NLRP13: variants seen among roughly 807,000 people sequenced by gnomAD.
The protein encoded by NLRP13 is NLR family pyrin domain containing 13.
In NLRP13, 82 loss-of-function variants were observed where a neutral mutation model predicts 94.4. The observed-to-expected ratio is 0.87, with a 90% CI of 0.73 to 1.04. The LOEUF is 1.04. Ranked by LOEUF, NLRP13 falls within the 50% of genes least tolerant of loss-of-function variation. The pLI, the probability that NLRP13 is intolerant of heterozygous loss-of-function variation, is 0.00. For synonymous variants in NLRP13, 553 were observed against 464.7 expected (o/e 1.19, Z -2.45); for missense variants, 1,426 against 1,230.8 (o/e 1.16, Z -2.37).
intron 8 of NLRP13, among the ~76,000 whole-genome samples, chr19:55,903,871 C>G (rs572649504): frequency 9.2e-5 from 14 of 152,128 alleles, no homozygotes; most frequent in Admixed American, 8.5e-4. Context: ...TATTTTTGTC[C>G]GGACTGTAGT....
At position 55,912,666 on chromosome 19, in the gene NLRP13, G is replaced by A; in HGVS notation, c.1151C>T (p.Thr384Ile). Reference sequence around the variant, plus strand: ...CCGTAGGTCGTCCCCTGTGAACCCTGTAATTTGTACAAAGCATGGATTCAC... The same window carrying A: ...CCGTAGGTCGTCCCCTGTGAACCCTATAATTTGTACAAAGCATGGATTCAC... ...SLVNPCFVQI[T>I]GFTGDDLRVY... The change falls in exon 5 of 11, where the codon ACA becomes ATA. Residue 384 changes from threonine (T) to isoleucine (I), a missense_variant. Coordinates refer to ENST00000342929, the MANE Select transcript of NLRP13 (RefSeq NM_176810.2). The A allele has an allele frequency of 6.2e-7, 1 of 1,614,162 alleles. No individual in the cohort carries two copies. Among genetic ancestry groups the A allele is most frequent in the South Asian group, 1.1e-5 (1 of 91,080 alleles).
chr19:55,899,207 G>T (rs1362630307), intron 9 of NLRP13, among the ~76,000 whole-genome samples: 1 of 152,094 alleles, frequency 6.6e-6, no homozygotes, highest in Non-Finnish European at 1.5e-5. Flanking sequence ...CCTCTCTGTG[G>T]TGGTTACCCC....
At chr19:55,898,721 CG>C (rs1870390792) in intron 10 of NLRP13, 48 bp downstream of exon 10, 2 of 1,524,174 alleles carry the variant, frequency 1.3e-6, no homozygotes, top group African/African-American at 2.8e-5. Context: ...TCTCCCCACC[CG>C]CAAGAGTAGA....
chr19:55,905,134 G>A, intron 7 of NLRP13, 22 bp from the exon 8 acceptor site: 1 of 1,612,280 alleles, frequency 6.2e-7, no homozygotes, highest in Non-Finnish European at 8.5e-7. Context: ...GCAGGTGCAA[G>A]GTGAGCCTCA....
chr19:55,895,943 G>A, downstream of NLRP13: 3 of 1,613,538 alleles, frequency 1.9e-6, no homozygotes, highest in South Asian at 3.3e-5. Context: ...AGTCAGTGAG[G>A]TTTACCCGAG....
downstream of NLRP13, chr19:55,891,942 G>T: frequency 2.4e-6 from 1 of 416,376 alleles, no homozygotes; most frequent in African/African-American, 2.0e-5. Flanking sequence ...AGGCCAGGAT[G>T]TCCTGGTGGC....
intron 8 of NLRP13, among the ~76,000 whole-genome samples, chr19:55,903,540 A>G (rs965485070): frequency 6.6e-6 from 1 of 152,134 alleles, no homozygotes; most frequent in Non-Finnish European, 1.5e-5. Flanking sequence ...GCAATCTTCT[A>G]GATTCCCGCA....
At chr19:55,917,486 G>A (rs1162248309) in intron 4 of NLRP13, among the ~76,000 whole-genome samples, 1 of 151,694 alleles carries the variant, frequency 6.6e-6, no homozygotes, top group Non-Finnish European at 1.5e-5. Flanking sequence ...ATAAATTGGA[G>A]GAATAGATTT....
At chr19:55,920,849 T>C (rs144040542) in intron 4 of NLRP13, among the ~76,000 whole-genome samples, 55 of 152,272 alleles carry the variant, frequency 3.6e-4, no homozygotes, top group African/African-American at 1.3e-3. Context: ...GCAATCAACC[T>C]AAATGTCCAT....
chr19:55,903,904 A>G (rs1049475730), intron 8 of NLRP13, among the ~76,000 whole-genome samples: 2 of 152,166 alleles, frequency 1.3e-5, no homozygotes, highest in Non-Finnish European at 2.9e-5. Context: ...AGCAGCCTGC[A>G]TGATCTTTCA....
intron 1 of NLRP13, among the ~76,000 whole-genome samples, chr19:55,931,718 A>AGAAAGAAAGAAAGAAAGAAAGAAAGAAAG: frequency 1.0e-5 from 1 of 96,030 alleles, no homozygotes; most frequent in African/African-American, 4.2e-5. Flanking sequence ...TCAAAAAAAA[A>AGAAAGAAAGAAAGAAAGAAAGAAAGAAAG]AAAAAAAGAA....
At chr19:55,892,737 A>G (rs1437319917), downstream of NLRP13, among the ~76,000 whole-genome samples, 1 of 152,122 alleles carries the variant, frequency 6.6e-6, no homozygotes, top group Non-Finnish European at 1.5e-5. Flanking sequence ...CACCATCTTT[A>G]AATCCACATG....
At chr19:55,901,394 C>T (rs1249187490) in intron 9 of NLRP13, among the ~76,000 whole-genome samples, 3 of 151,986 alleles carry the variant, frequency 2.0e-5, no homozygotes, top group African/African-American at 7.3e-5. Context: ...ATAATGTGGG[C>T]ACTTAAGGGA....
At chr19:55,916,960 T>C (rs1482454147) in intron 4 of NLRP13, among the ~76,000 whole-genome samples, 4 of 151,886 alleles carry the variant, frequency 2.6e-5, no homozygotes, top group Non-Finnish European at 5.9e-5. Context: ...CTAAAAAAAA[T>C]CAGTAAGAGA....
chr19:55,894,732 G>T (rs1600254852), downstream of NLRP13, among the ~76,000 whole-genome samples: 1 of 152,270 alleles, frequency 6.6e-6, no homozygotes, highest in Middle Eastern at 3.4e-3. Context: ...CAAGGACAAG[G>T]CTCATGTCCG....
rs45570942 is a variant in NLRP13 at position 55,912,100 on chromosome 19, C to T, written c.1717G>A (p.Val573Ile). Residue 573 changes from valine to isoleucine, a missense_variant, in exon 5 of 11, where the codon GTC (valine) becomes ATC (isoleucine). Physicochemically the swap from Val to Ile is conservative, Grantham distance 29. Coordinates refer to ENST00000342929, the MANE Select transcript of NLRP13 (RefSeq NM_176810.2). ...CAGTAGGCTTCTTTGTCAAGCAAGA[C>T]GTGTTGCAGTAACATCTTCATCTCT... ...PQEMKMLLQH[V>I]LLDKEAYWTP... The T allele has an allele frequency of 1.6e-4, 262 of 1,614,174 alleles. No individual in the cohort carries two copies. Among genetic ancestry groups the T allele is most frequent in the Non-Finnish European group, 2.0e-4 (236 of 1,180,030 alleles).
At chr19:55,924,133 A>G (rs1158671932) in intron 3 of NLRP13, among the ~76,000 whole-genome samples, 154 bp from the exon 4 acceptor site, 1 of 152,080 alleles carries the variant, frequency 6.6e-6, no homozygotes, top group East Asian at 1.9e-4. Context: ...TTTTTTATTT[A>G]TTTTTAAGAA....
intron 10 of NLRP13, 48 bp downstream of exon 10, chr19:55,898,722 G>C (rs768842888): frequency 6.6e-7 from 1 of 1,521,278 alleles, no homozygotes; most frequent in East Asian, 2.3e-5. Context: ...CTCCCCACCC[G>C]CAAGAGTAGA....
chr19:55,928,942 A>T (rs1987036120), intron 1 of NLRP13, among the ~76,000 whole-genome samples: 1 of 152,206 alleles, frequency 6.6e-6, no homozygotes, highest in Non-Finnish European at 1.5e-5. Flanking sequence ...TTACAAGAAA[A>T]AAAAATCTCA....
Sources: allele counts gnomAD v4.1 joint callset (sites outside exome capture counted in the v4.1 genomes callset), GRCh38; gene constraint gnomAD v4.1.1; transcripts MANE v1.5; gene names NCBI Gene and HGNC (gene_info 2026-07-23, HGNC 2026-07-21).